Variants in CCDC192 observed in about 807,000 individuals in gnomAD.
The protein encoded by CCDC192 is coiled-coil domain containing 192, also known as coiled-coil domain-containing protein 192.
Position 127,915,628 on chromosome 5 carries a change from G to A in CCDC192, c.536-25554G>A, listed in dbSNP as rs185012214. ...GATCTCCTGACCTCGTGATCCACCCGCCTGGGCTTCCCAAAGTGCTGGGAT... is the reference window on the plus strand; with the variant it reads ...GATCTCCTGACCTCGTGATCCACCCACCTGGGCTTCCCAAAGTGCTGGGAT... On this transcript the variant is annotated intron_variant, in intron 6 of 6. Transcript: ENST00000514853. 7.2e-5 allele frequency among the ~76,000 whole-genome samples: 11 copies of A among 152,290 alleles called. No homozygotes were observed. In the East Asian group the frequency reaches 1.4e-3, roughly 19 times the overall value.
intron 5 of CCDC192, among the ~76,000 whole-genome samples, chr5:127,822,309 T>G (rs557431227): frequency 4.5e-4 from 68 of 152,314 alleles, no homozygotes; most frequent in African/African-American, 9.6e-4. Context: ...CCCATGGGTC[T>G]TAGGAAACAG....
chr5:127,787,508 G>T (rs1210627273), intron 3 of CCDC192, among the ~76,000 whole-genome samples: 4 of 152,080 alleles, frequency 2.6e-5, no homozygotes, highest in Non-Finnish European at 5.9e-5. Context: ...TTAAGAGTGT[G>T]TTATTTCTGT....
At chr5:127,775,124 C>T (rs1755782667) in intron 3 of CCDC192, among the ~76,000 whole-genome samples, 1 of 152,078 alleles carries the variant, frequency 6.6e-6, no homozygotes, top group South Asian at 2.1e-4. Context: ...GCCTTGGTGA[C>T]CCTGGTTACA....
At chr5:127,772,734 T>A (rs1383357315) in intron 3 of CCDC192, among the ~76,000 whole-genome samples, 2 of 152,174 alleles carry the variant, frequency 1.3e-5, no homozygotes. Context: ...GAAACAAACA[T>A]GACTGATTTA....
intron 2 of CCDC192, among the ~76,000 whole-genome samples, chr5:127,715,336 C>T (rs1751569280): frequency 6.6e-6 from 1 of 152,204 alleles, no homozygotes; most frequent in South Asian, 2.1e-4. Flanking sequence ...CATTCTTCTG[C>T]ATATGGATGT....
chr5:127,721,959 A>G (rs1285443099), intron 2 of CCDC192, among the ~76,000 whole-genome samples: 1 of 152,186 alleles, frequency 6.6e-6, no homozygotes, highest in Non-Finnish European at 1.5e-5. Context: ...ACCCCCCACT[A>G]GGCTCCTCCT....
At chr5:127,927,387 A>T (rs989095415) in intron 6 of CCDC192, among the ~76,000 whole-genome samples, 1 of 152,016 alleles carries the variant, frequency 6.6e-6, no homozygotes, top group Non-Finnish European at 1.5e-5. Flanking sequence ...AGTATATATG[A>T]GGTTTGGTAC....
intron 2 of CCDC192, among the ~76,000 whole-genome samples, chr5:127,715,201 T>C (rs1333285923): frequency 1.3e-5 from 2 of 152,208 alleles, no homozygotes; most frequent in Non-Finnish European, 2.9e-5. Context: ...TCCTCACCCA[T>C]ACCAATCTCA....
At chr5:127,732,970 G>A (rs1752728696) in intron 2 of CCDC192, among the ~76,000 whole-genome samples, 1 of 151,982 alleles carries the variant, frequency 6.6e-6, no homozygotes, top group African/African-American at 2.4e-5. Context: ...CAACAAACCT[G>A]CACATCCTAC....
intron 3 of CCDC192, among the ~76,000 whole-genome samples, chr5:127,793,578 A>G (rs1223187812): frequency 6.6e-6 from 1 of 152,184 alleles, no homozygotes; most frequent in African/African-American, 2.4e-5. Flanking sequence ...TCTTCTTTTT[A>G]GCTTTGGAAT....
Position 127,719,580 on chromosome 5 carries a change from T to C in CCDC192, c.114+11820T>C, listed in dbSNP as rs186444333. Among the ~76,000 whole-genome samples the C allele has an allele frequency of 7.5e-3, 988 of 132,416 alleles. 55 individuals are homozygous for C. The highest frequency in any genetic ancestry group is 0.03 in the African/African-American group (926 of 30,842). The allele number at this position is 132,416 out of a possible 152,430, so 86.9% of individuals were successfully genotyped here. ...ATATACACACATACATATATATATA[T>C]ACCAAGCAGTGGGATTGCTGAATCA... On this transcript the variant is annotated intron_variant, in intron 2 of 6. Coordinates refer to ENST00000514853, the MANE Select transcript of CCDC192 (RefSeq NM_001317938.2).
intron 3 of CCDC192, among the ~76,000 whole-genome samples, chr5:127,781,051 T>G (rs1382650076): frequency 6.6e-6 from 1 of 152,194 alleles, no homozygotes; most frequent in Non-Finnish European, 1.5e-5. Flanking sequence ...TACATGTGGC[T>G]AGCCATTTAT....
chr5:127,856,599 C>T (rs924523180), intron 5 of CCDC192, among the ~76,000 whole-genome samples: 4 of 152,244 alleles, frequency 2.6e-5, no homozygotes, highest in Non-Finnish European at 5.9e-5. Context: ...GCCTTCCTCA[C>T]TAAGCTTAAT....
chr5:127,704,724 C>T (rs1332862504), intron 1 of CCDC192, among the ~76,000 whole-genome samples: 2 of 151,998 alleles, frequency 1.3e-5, no homozygotes, highest in South Asian at 2.1e-4. Context: ...TTAGCAAACA[C>T]TCATTTTCTT....
chr5:127,752,152 T>G (rs577633456), intron 2 of CCDC192, among the ~76,000 whole-genome samples: 2 of 152,358 alleles, frequency 1.3e-5, no homozygotes, highest in Non-Finnish European at 2.9e-5. Context: ...GTTCCGTTGC[T>G]GGTGAGGAGC....
At chr5:127,720,750 T>C (rs1249489075) in intron 2 of CCDC192, among the ~76,000 whole-genome samples, 1 of 152,198 alleles carries the variant, frequency 6.6e-6, no homozygotes, top group African/African-American at 2.4e-5. Context: ...AAGCCTCAAC[T>C]CTCATATTCT....
intron 5 of CCDC192, among the ~76,000 whole-genome samples, chr5:127,799,199 A>G (rs1357486561): frequency 2.6e-5 from 4 of 152,206 alleles, no homozygotes; most frequent in South Asian, 2.1e-4. Context: ...CTGCAAGATA[A>G]TACATTCTGG....
intron 2 of CCDC192, among the ~76,000 whole-genome samples, chr5:127,732,208 A>C (rs1752680439): frequency 6.6e-6 from 1 of 152,226 alleles, no homozygotes; most frequent in African/African-American, 2.4e-5. Context: ...TTCTCAAAAG[A>C]AGACATTTAT....
At chr5:127,775,723 C>T (rs2126920696) in intron 3 of CCDC192, among the ~76,000 whole-genome samples, 1 of 152,292 alleles carries the variant, frequency 6.6e-6, no homozygotes, top group Non-Finnish European at 1.5e-5. Context: ...CCCATAATTC[C>T]CACATGTTGT....
Sources: allele counts gnomAD v4.1 joint callset (sites outside exome capture counted in the v4.1 genomes callset), GRCh38; gene constraint gnomAD v4.1.1; transcripts MANE v1.5; gene names NCBI Gene and HGNC (gene_info 2026-07-23, HGNC 2026-07-21).